Variants in DRC4 observed in about 807,000 individuals in gnomAD.
DRC4 encodes GAS-11.
the DRC4 span, among the ~76,000 whole-genome samples, chr16:90,026,476 G>C: frequency 1.3e-5 from 2 of 152,148 alleles, no homozygotes; most frequent in African/African-American, 2.4e-5. Context: ...GGAAACTTGT[G>C]GTTGTCACAA....
the DRC4 span, chr16:90,037,381 G>A: frequency 6.2e-7 from 1 of 1,612,898 alleles, no homozygotes; most frequent in Admixed American, 1.7e-5. Flanking sequence ...ACTACGAGAG[G>A]GACAAGCAGA....
the DRC4 span, chr16:90,022,577 C>G: frequency 6.2e-6 from 6 of 972,868 alleles, no homozygotes; most frequent in Non-Finnish European, 6.9e-6. Flanking sequence ...GCACTCCCGC[C>G]TTTGGCAGGG....
At chr16:90,029,412 C>G in the DRC4 span, 2 of 891,164 alleles carry the variant, frequency 2.2e-6, no homozygotes, top group South Asian at 3.0e-5. Flanking sequence ...CCAAGAGAAG[C>G]TGGAAATCTG....
chr16:90,044,802 G>A, the DRC4 span: 1 of 279,410 alleles, frequency 3.6e-6, no homozygotes, highest in African/African-American at 2.3e-5. Context: ...CCACTGCCCT[G>A]TCTTTAGGAA....
At chr16:90,035,548 A>T in the DRC4 span, 2 of 1,589,378 alleles carry the variant, frequency 1.3e-6, no homozygotes, top group African/African-American at 2.7e-5. Flanking sequence ...AGGTGACCAA[A>T]ACCATGAGGA....
chr16:90,031,505 G>A, the DRC4 span: 1 of 1,551,384 alleles, frequency 6.4e-7, no homozygotes, highest in South Asian at 1.2e-5. Context: ...AGGTGAGTGG[G>A]GCCGGCCTGC....
At chr16:90,027,770 C>T in the DRC4 span, 1 of 1,549,616 alleles carries the variant, frequency 6.5e-7, no homozygotes, top group Non-Finnish European at 8.9e-7. Flanking sequence ...CGTGGGCGGG[C>T]ACCACGCAGG....
At chr16:90,042,760 TG>T in the DRC4 span, 1 of 565,232 alleles carries the variant, frequency 1.8e-6, no homozygotes, top group East Asian at 3.0e-5. Context: ...CTGGGATGGG[TG>T]TAGGGGGGGA....
At chr16:90,027,561 T>G in the DRC4 span, 2 of 1,460,480 alleles carry the variant, frequency 1.4e-6, no homozygotes, top group Non-Finnish European at 1.9e-6. Flanking sequence ...TGCCAAATGT[T>G]CCTGGGAGCA....
chr16:90,043,311 A>G, the DRC4 span: 16 of 1,611,684 alleles, frequency 9.9e-6, no homozygotes, highest in Admixed American at 1.7e-5. Flanking sequence ...ACACTGGGCC[A>G]GGGCCCCGCG....
At chr16:90,027,089 C>CTT in the DRC4 span, among the ~76,000 whole-genome samples, 1,340 of 133,556 alleles carry the variant, frequency 0.01, 31 homozygotes, top group African/African-American at 0.033. Flanking sequence ...GGTTTCCTCT[C>CTT]TTTTTTTTTT....
chr16:90,022,607 C>T, the DRC4 span: 1 of 1,220,318 alleles, frequency 8.2e-7, no homozygotes, highest in Non-Finnish European at 1.1e-6. Context: ...GGCGGAGTCT[C>T]GCGAGGATCT....
the DRC4 span, chr16:90,040,323 C>G: frequency 1.9e-6 from 3 of 1,595,596 alleles, no homozygotes; most frequent in African/African-American, 2.7e-5. Flanking sequence ...GGGACGAGCT[C>G]TATCGGAAGT....
chr16:90,024,187 T>C, the DRC4 span, among the ~76,000 whole-genome samples: 1 of 151,356 alleles, frequency 6.6e-6, no homozygotes, highest in African/African-American at 2.4e-5. Context: ...GGTACGCACC[T>C]ATAGTCCCAG....
chr16:90,043,425 C>T, the DRC4 span: 3 of 1,355,766 alleles, frequency 2.2e-6, no homozygotes, highest in East Asian at 4.7e-5. Context: ...CCAAGGACAG[C>T]AAGTTTTTTA....
the DRC4 span, chr16:90,044,185 G>T: frequency 1.3e-5 from 6 of 454,608 alleles, no homozygotes; most frequent in African/African-American, 8.0e-5. Context: ...TGTGGGGTGA[G>T]GCAGTGAGGT....
chr16:90,020,086 GTCC>G, the DRC4 span: 4 of 641,566 alleles, frequency 6.2e-6, no homozygotes, highest in Non-Finnish European at 1.1e-5. Flanking sequence ...CTGCTTCTCT[GTCC>G]TCATTCACTT....
chr16:90,042,305 C>T, the DRC4 span: 2 of 674,186 alleles, frequency 3.0e-6, no homozygotes, highest in East Asian at 2.9e-5. Flanking sequence ...TTCTCTCCAC[C>T]CTTGGAGACC....
At chr16:90,022,661 G>T in the DRC4 span, 1 of 1,415,436 alleles carries the variant, frequency 7.1e-7, no homozygotes, top group Non-Finnish European at 9.3e-7. Context: ...GGGAAACGGC[G>T]TGGCTTCCGG....
Sources: allele counts gnomAD v4.1 joint callset (sites outside exome capture counted in the v4.1 genomes callset), GRCh38; gene constraint gnomAD v4.1.1; transcripts MANE v1.5; gene names NCBI Gene and HGNC (gene_info 2026-07-23, HGNC 2026-07-21).